The following PCSK2 variants were observed in gnomAD, a reference collection of about 807,000 sequenced individuals.
PCSK2 encodes neuroendocrine convertase 2.
In PCSK2, 14 loss-of-function variants were observed where a neutral mutation model predicts 69.7. That is an observed-to-expected ratio of 0.20 (90% CI 0.13 to 0.31). The LOEUF is 0.31. Ranked by LOEUF, PCSK2 falls within the 10% of genes least tolerant of loss-of-function variation. PCSK2 has a pLI of 1.00. For missense variants in PCSK2, 544 were observed against 842.5 expected, an observed-to-expected ratio of 0.65 and a Z score of 4.39; for synonymous variants, 307 against 320.7, an observed-to-expected ratio of 0.96 and a Z score of 0.46.
chr20:17,339,044 A>G (rs1042511214), intron 2 of PCSK2, among the ~76,000 whole-genome samples: 4 of 152,208 alleles, frequency 2.6e-5, no homozygotes, highest in African/African-American at 9.7e-5. Context: ...ACACATTTTT[A>G]GGGAGATTTA....
At chr20:17,234,794 C>T (rs1264859550) in intron 1 of PCSK2, among the ~76,000 whole-genome samples, 1 of 152,030 alleles carries the variant, frequency 6.6e-6, no homozygotes, top group Non-Finnish European at 1.5e-5. Context: ...TTATATATTC[C>T]ACTCAAACTA....
intron 5 of PCSK2, among the ~76,000 whole-genome samples, chr20:17,389,243 C>T (rs1292891730): frequency 6.6e-6 from 1 of 152,108 alleles, no homozygotes; most frequent in Admixed American, 6.5e-5. Context: ...CTGCCATGTA[C>T]AGCTCAGGTT....
intron 2 of PCSK2, among the ~76,000 whole-genome samples, chr20:17,269,179 G>A (rs1476994749): frequency 6.6e-6 from 1 of 152,158 alleles, no homozygotes; most frequent in Non-Finnish European, 1.5e-5. Flanking sequence ...GGATCTAGGA[G>A]AGAGGTCAGA....
rs1455676633 is a variant in PCSK2, at chr20:17,342,474, A to G, written c.283-15853A>G. ...GCTGGGACTACAGGCATGTATCAAC[A>G]TGCCTGGCTAATTTGTGTATTTTTT... On this transcript the variant is annotated intron_variant, in intron 2 of 11. Transcript: ENST00000262545. 3.3e-5 allele frequency among the ~76,000 whole-genome samples: 5 copies of G among 151,726 alleles called. No homozygotes were observed. In the East Asian group the frequency reaches 9.8e-4, roughly 30 times the overall value.
rs138619331 is a variant in PCSK2 at position 17,308,355 on chromosome 20, T to C, written c.282+48011T>C. Among the ~76,000 whole-genome samples, 453 of 152,090 alleles carry C rather than the reference T, an allele frequency of 3.0e-3. 2 individuals are homozygous for C. Among genetic ancestry groups the C allele is most frequent in the Non-Finnish European group, 5.6e-3 (380 of 67,988 alleles). ...GATAATGTGATAGAAGATAAATAGG[T>C]AGTACAATTAGAAAAGATGGTCAGA... On this transcript the variant is annotated intron_variant, in intron 2 of 11. Transcript: ENST00000262545.
intron 5 of PCSK2, among the ~76,000 whole-genome samples, chr20:17,369,729 G>A (rs1230078536): frequency 2.6e-5 from 4 of 152,160 alleles, no homozygotes; most frequent in Non-Finnish European, 5.9e-5. Flanking sequence ...GAAGAAGAGA[G>A]AGACTTGGCA....
chr20:17,227,796 G>C (rs1799457488), intron 1 of PCSK2, among the ~76,000 whole-genome samples: 1 of 152,212 alleles, frequency 6.6e-6, no homozygotes, highest in Admixed American at 6.5e-5. Flanking sequence ...TCTCGAGGCT[G>C]CCTGGGGATG....
chr20:17,406,366 C>T (rs2031750576), intron 5 of PCSK2, among the ~76,000 whole-genome samples: 3 of 152,192 alleles, frequency 2.0e-5, no homozygotes, highest in Admixed American at 1.3e-4. Flanking sequence ...GTTTGCCTTC[C>T]TTAATGTTCA....
intron 2 of PCSK2, among the ~76,000 whole-genome samples, chr20:17,318,375 T>C (rs948045132): frequency 3.3e-5 from 5 of 152,208 alleles, no homozygotes; most frequent in Non-Finnish European, 5.9e-5. Flanking sequence ...CCAAAATGTA[T>C]TGAAGTCGAG....
chr20:17,415,793 C>T (rs1033254784), intron 6 of PCSK2, among the ~76,000 whole-genome samples: 1 of 152,158 alleles, frequency 6.6e-6, no homozygotes, highest in African/African-American at 2.4e-5. Context: ...TAATACAAGG[C>T]TACAGTAACC....
chr20:17,393,207 C>A (rs2031427361), intron 5 of PCSK2, among the ~76,000 whole-genome samples: 1 of 152,130 alleles, frequency 6.6e-6, no homozygotes, highest in Admixed American at 6.6e-5. Context: ...ACATCACTTG[C>A]CCGTTTTTAT....
chr20:17,308,686 G>T (rs892067724), intron 2 of PCSK2, among the ~76,000 whole-genome samples: 1 of 152,200 alleles, frequency 6.6e-6, no homozygotes, highest in African/African-American at 2.4e-5. Context: ...AGTTCAGCTA[G>T]GTGGGTGTCT....
At chr20:17,240,592 T>C (rs1011745145) in intron 1 of PCSK2, among the ~76,000 whole-genome samples, 6 of 152,160 alleles carry the variant, frequency 3.9e-5, no homozygotes, top group African/African-American at 1.4e-4. Context: ...ATCAATATCA[T>C]GTGCTACACA....
rs569670390 is a variant in PCSK2, at chr20:17,336,624, G to C, written c.283-21703G>C. 6.6e-5 allele frequency among the ~76,000 whole-genome samples: 10 copies of C among 152,342 alleles called. No individual in the cohort carries two copies. The East Asian group carries it at 1.9e-3, about 29-fold the overall frequency. ...GTTCTGGCTTCTGAATGTGAAGCTG[G>C]TTAAGCAGCAGGTGCCCCCACTACA... On this transcript the variant is annotated intron_variant, in intron 2 of 11. Coordinates refer to ENST00000262545, the MANE Select transcript of PCSK2 (RefSeq NM_002594.5).
chr20:17,299,236 C>T (rs1568591008), intron 2 of PCSK2, among the ~76,000 whole-genome samples: 2 of 151,902 alleles, frequency 1.3e-5, no homozygotes, highest in African/African-American at 4.8e-5. Context: ...TTGAAAATAC[C>T]CTCAAATTGT....
intron 1 of PCSK2, among the ~76,000 whole-genome samples, chr20:17,256,567 G>C (rs1419926167): frequency 6.6e-6 from 1 of 151,378 alleles, no homozygotes; most frequent in African/African-American, 2.4e-5. Context: ...TTGTTTCTAG[G>C]TTTTGTTGTT....
intron 10 of PCSK2, among the ~76,000 whole-genome samples, chr20:17,460,206 AAAAT>A (rs2032991113): frequency 6.6e-6 from 1 of 152,148 alleles, no homozygotes; most frequent in Non-Finnish European, 1.5e-5. Flanking sequence ...AAAGGGCAAA[AAAAT>A]AAATAAATAA....
At chr20:17,245,644 T>G (rs113903654) in intron 1 of PCSK2, among the ~76,000 whole-genome samples, 4,200 of 152,218 alleles carry the variant, frequency 0.028, 178 homozygotes, top group African/African-American at 0.094. Flanking sequence ...TTTTTTTTTT[T>G]GCTAGAATAT....
intron 5 of PCSK2, among the ~76,000 whole-genome samples, chr20:17,389,147 A>G (rs1481205637): frequency 2.6e-5 from 4 of 152,114 alleles, no homozygotes; most frequent in African/African-American, 7.2e-5. Flanking sequence ...TTAAAAGTTA[A>G]CTCTACATTA....
Sources: gnomAD v4.1 joint callset for allele counts (sites outside exome capture counted in the v4.1 genomes callset) on GRCh38, gnomAD v4.1.1 for gene constraint, MANE v1.5 for transcripts, NCBI Gene and HGNC (gene_info 2026-07-23, HGNC 2026-07-21) for gene names.